ZNF385D: variants seen among roughly 807,000 people sequenced by gnomAD.
The protein encoded by ZNF385D is zinc finger protein 385D.
ZNF385D carries 15 observed loss-of-function variants against 35.8 expected under a neutral mutation model. The observed-to-expected ratio is 0.42, with a 90% confidence interval of 0.28 to 0.64. ZNF385D has a LOEUF of 0.64. ZNF385D is among the 30% of genes least tolerant of loss of function. ZNF385D has a pLI of 0.23. For synonymous variants in ZNF385D, 212 were observed against 186.8 expected, an observed-to-expected ratio of 1.13 and a Z score of -1.10; for missense variants, 474 against 494.6, an observed-to-expected ratio of 0.96 and a Z score of 0.39.
chr3:22,294,356 C>T (rs1223333499), intron 2 of ZNF385D, among the ~76,000 whole-genome samples: 8 of 151,918 alleles, frequency 5.3e-5, no homozygotes, highest in African/African-American at 1.9e-4. Flanking sequence ...GCTATTTTTC[C>T]TCATATTTTT....
At chr3:22,009,414 G>T (rs966585868) in intron 3 of ZNF385D, among the ~76,000 whole-genome samples, 2 of 152,030 alleles carry the variant, frequency 1.3e-5, no homozygotes, top group Non-Finnish European at 2.9e-5. Context: ...AAGAGGCGAG[G>T]AGATCGAGAC....
At chr3:22,337,577 C>T (rs1026651204) in intron 2 of ZNF385D, among the ~76,000 whole-genome samples, 8 of 152,038 alleles carry the variant, frequency 5.3e-5, no homozygotes, top group African/African-American at 1.7e-4. Flanking sequence ...TCATTTGGTA[C>T]ACTTGGTATT....
rs118005218 is a variant in ZNF385D, at chr3:21,531,432, T to C, written c.277-20409A>G. ...ATTTACTCAACGAGGTACAAACTTATGTCCAAGAGTAAAAACCCTGCATAT... is the reference window on the plus strand; with the variant it reads ...ATTTACTCAACGAGGTACAAACTTACGTCCAAGAGTAAAAACCCTGCATAT... On this transcript the variant is annotated intron_variant, in intron 3 of 7. Coordinates refer to ENST00000281523, the MANE Select transcript of ZNF385D (RefSeq NM_024697.3). Among the ~76,000 whole-genome samples the C allele has an allele frequency of 4.0e-4, 61 of 152,328 alleles. No homozygotes were observed. The East Asian group carries it at 0.011, about 27-fold the overall frequency.
intron 3 of ZNF385D, among the ~76,000 whole-genome samples, chr3:22,062,479 T>C (rs1699742437): frequency 6.6e-6 from 1 of 152,246 alleles, no homozygotes; most frequent in African/African-American, 2.4e-5. Flanking sequence ...ATAAAGGACT[T>C]GCTTCTTGCA....
chr3:21,585,605 G>T (rs920430989), intron 2 of ZNF385D, among the ~76,000 whole-genome samples: 1 of 152,102 alleles, frequency 6.6e-6, no homozygotes, highest in Non-Finnish European at 1.5e-5. Flanking sequence ...GGCTGCCTAC[G>T]CACCTCCAGG....
At chr3:22,328,338 A>G (rs997209027) in intron 2 of ZNF385D, among the ~76,000 whole-genome samples, 3 of 152,060 alleles carry the variant, frequency 2.0e-5, no homozygotes, top group Non-Finnish European at 4.4e-5. Flanking sequence ...TAATTTTACA[A>G]TTCTGATTAT....
At chr3:21,889,714 G>A (rs1055034002) in intron 3 of ZNF385D, among the ~76,000 whole-genome samples, 2 of 152,138 alleles carry the variant, frequency 1.3e-5, no homozygotes, top group Non-Finnish European at 2.9e-5. Context: ...GCTACCTTGT[G>A]TATGAGTTTA....
chr3:21,531,581 A>C (rs1342214651), intron 3 of ZNF385D, among the ~76,000 whole-genome samples: 4 of 152,244 alleles, frequency 2.6e-5, no homozygotes, highest in Non-Finnish European at 4.4e-5. Context: ...AATGCTAAAA[A>C]GTAATGAGCC....
chr3:21,838,555 T>C (rs920059136), intron 3 of ZNF385D, among the ~76,000 whole-genome samples: 3 of 152,010 alleles, frequency 2.0e-5, no homozygotes, highest in African/African-American at 7.2e-5. Context: ...CAACAGCCAC[T>C]AAAAAACAAT....
intron 3 of ZNF385D, among the ~76,000 whole-genome samples, chr3:22,105,256 A>C (rs1702144861): frequency 6.6e-6 from 1 of 151,970 alleles, no homozygotes; most frequent in Non-Finnish European, 1.5e-5. Flanking sequence ...TAAGTGCCAA[A>C]TAGTGTACAT....
At chr3:22,333,798 C>T (rs1434889821) in intron 2 of ZNF385D, among the ~76,000 whole-genome samples, 1 of 152,172 alleles carries the variant, frequency 6.6e-6, no homozygotes, top group Non-Finnish European at 1.5e-5. Flanking sequence ...GGTGCAGACA[C>T]CCAGCTTTCA....
chr3:21,520,944 C>CA (rs1261648469), intron 3 of ZNF385D, among the ~76,000 whole-genome samples: 1 of 152,206 alleles, frequency 6.6e-6, no homozygotes, highest in Non-Finnish European at 1.5e-5. Context: ...TTCCTCCCTA[C>CA]ATAGTCACAT....
chr3:21,446,612 G>C (rs890512510), intron 4 of ZNF385D, among the ~76,000 whole-genome samples: 16 of 146,690 alleles, frequency 1.1e-4, no homozygotes, highest in Non-Finnish European at 1.9e-4. Context: ...TTCTGCCTCA[G>C]CCTCCTGAGT....
At chr3:21,926,986 A>T (rs918906009) in intron 3 of ZNF385D, among the ~76,000 whole-genome samples, 5 of 152,122 alleles carry the variant, frequency 3.3e-5, no homozygotes, top group African/African-American at 1.2e-4. Context: ...TATTGAAGGT[A>T]GGGTCTAGTG....
upstream of ZNF385D, among the ~76,000 whole-genome samples, chr3:21,755,133 A>G (rs2070282904): frequency 6.6e-6 from 1 of 152,208 alleles, no homozygotes; most frequent in Non-Finnish European, 1.5e-5. Flanking sequence ...AGCATGAGTT[A>G]GCATAGCTCA....
At chr3:21,640,424 G>A (rs980938995) in intron 2 of ZNF385D, among the ~76,000 whole-genome samples, 2 of 152,072 alleles carry the variant, frequency 1.3e-5, no homozygotes, top group Non-Finnish European at 2.9e-5. Context: ...ACTGAAGTTT[G>A]TCTGCCCCAG....
chr3:22,139,180 G>A (rs1704339224), intron 3 of ZNF385D, among the ~76,000 whole-genome samples: 1 of 152,078 alleles, frequency 6.6e-6, no homozygotes, highest in South Asian at 2.1e-4. Flanking sequence ...CTGTAAACTA[G>A]TTCAACCATT....
chr3:21,884,867 G>A (rs1409055198), intron 3 of ZNF385D, among the ~76,000 whole-genome samples: 2 of 151,846 alleles, frequency 1.3e-5, no homozygotes, highest in East Asian at 1.9e-4. Context: ...ATTTATACAC[G>A]AGGATCATGA....
At chr3:22,022,678 A>C in intron 3 of ZNF385D, among the ~76,000 whole-genome samples, 1 of 152,184 alleles carries the variant, frequency 6.6e-6, no homozygotes, top group East Asian at 1.9e-4. Context: ...AGCAAACTCA[A>C]CATTGTATAT....
Sources: allele counts gnomAD v4.1 joint callset (sites outside exome capture counted in the v4.1 genomes callset), GRCh38; gene constraint gnomAD v4.1.1; transcripts MANE v1.5; gene names NCBI Gene and HGNC (gene_info 2026-07-23, HGNC 2026-07-21).